Variants in ARHGAP31 observed in about 807,000 individuals in gnomAD.
ARHGAP31 encodes the protein Rho GTPase activating protein 31, also known as rho GTPase-activating protein 31.
ARHGAP31 carries 34 observed loss-of-function variants against 113.9 expected under a neutral mutation model. The observed-to-expected ratio is 0.30, with a 90% CI of 0.23 to 0.40. ARHGAP31 has a LOEUF of 0.40. Among genes scored for constraint, ARHGAP31 ranks in the 10% least tolerant of loss-of-function variants. ARHGAP31 has a pLI of 1.00. For synonymous variants in ARHGAP31, 650 were observed against 684.8 expected (o/e 0.95, Z 0.79); for missense variants, 1,548 against 1,767.1 (o/e 0.88, Z 2.22).
intron 1 of ARHGAP31, among the ~76,000 whole-genome samples, chr3:119,354,497 TG>T (rs1196044630): frequency 6.6e-6 from 1 of 151,518 alleles, no homozygotes; most frequent in Non-Finnish European, 1.5e-5. Context: ...TGTGTGTGTG[TG>T]TGTGTGTGGT....
At chr3:119,373,147 A>G (rs560927942) in intron 3 of ARHGAP31, among the ~76,000 whole-genome samples, 12 of 152,308 alleles carry the variant, frequency 7.9e-5, no homozygotes, top group African/African-American at 2.6e-4. Context: ...TTTCTTTATA[A>G]AAATATATTA....
At chr3:119,348,385 A>G (rs1035519103) in intron 1 of ARHGAP31, among the ~76,000 whole-genome samples, 3 of 152,200 alleles carry the variant, frequency 2.0e-5, no homozygotes, top group Admixed American at 6.5e-5. Flanking sequence ...CCCCGGTGCC[A>G]AAAAGGTCTG....
chr3:119,402,693 T>G (rs1010873336), intron 10 of ARHGAP31, among the ~76,000 whole-genome samples: 1 of 152,320 alleles, frequency 6.6e-6, no homozygotes, highest in African/African-American at 2.4e-5. Flanking sequence ...CAGAACAGTG[T>G]CTACATACAA....
intron 11 of ARHGAP31, among the ~76,000 whole-genome samples, chr3:119,413,448 A>G (rs930459385): frequency 2.6e-5 from 4 of 152,232 alleles, no homozygotes; most frequent in African/African-American, 9.6e-5. Context: ...ATGAACCTGA[A>G]GTTAAATGAG....
Position 119,414,614 on chromosome 3 carries a change from A to G in ARHGAP31, c.2685A>G (p.Thr895=). 6.2e-7 allele frequency: 1 copy of G among 1,614,252 alleles called. No homozygotes were observed. Among genetic ancestry groups the G allele is most frequent in the Non-Finnish European group, 8.5e-7 (1 of 1,180,038 alleles). The part of the protein sequence containing the change: ...PSDCDEDDTV[T]DIAQHGLEMV... Reference sequence around the variant, plus strand: ...ACTGTGACGAAGATGACACTGTGACAGACATTGCCCAGCATGGCCTGGAGA... The same window carrying G: ...ACTGTGACGAAGATGACACTGTGACGGACATTGCCCAGCATGGCCTGGAGA... The change falls in exon 12 of 12, where the codon ACA becomes ACG. Residue 895 remains threonine, a synonymous_variant. Transcript: ENST00000264245.
chr3:119,334,469 T>A (rs1264825633), intron 1 of ARHGAP31, among the ~76,000 whole-genome samples: 4 of 152,220 alleles, frequency 2.6e-5, no homozygotes, highest in Non-Finnish European at 5.9e-5. Flanking sequence ...AATTTCCCTG[T>A]GATTAGGGAG....
chr3:119,391,883 C>T (rs936311823), intron 7 of ARHGAP31, among the ~76,000 whole-genome samples: 3 of 152,032 alleles, frequency 2.0e-5, no homozygotes, highest in Non-Finnish European at 4.4e-5. Flanking sequence ...ATATATGGAT[C>T]GTGTTTTCTT....
chr3:119,308,339 G>A (rs935709390), intron 1 of ARHGAP31, among the ~76,000 whole-genome samples: 5 of 152,166 alleles, frequency 3.3e-5, no homozygotes, highest in Non-Finnish European at 5.9e-5. Context: ...CTACAGTTTT[G>A]TAAGTTAGAA....
At chr3:119,309,102 A>G (rs2079656111) in intron 1 of ARHGAP31, among the ~76,000 whole-genome samples, 1 of 152,204 alleles carries the variant, frequency 6.6e-6, no homozygotes, top group Non-Finnish European at 1.5e-5. Flanking sequence ...TTTGCCTCCC[A>G]AAATGCTGGG....
intron 3 of ARHGAP31, among the ~76,000 whole-genome samples, chr3:119,372,942 T>C (rs1452274395): frequency 6.6e-6 from 1 of 152,140 alleles, no homozygotes; most frequent in Non-Finnish European, 1.5e-5. Flanking sequence ...AATAACTTAA[T>C]ATGAAATAAA....
intron 3 of ARHGAP31, among the ~76,000 whole-genome samples, chr3:119,374,265 A>C (rs1449019754): frequency 6.6e-6 from 1 of 152,108 alleles, no homozygotes; most frequent in East Asian, 1.9e-4. Context: ...CGCTTAGTTC[A>C]TGTGAGATCT....
At chr3:119,318,218 T>G (rs572649305) in intron 1 of ARHGAP31, among the ~76,000 whole-genome samples, 1 of 152,280 alleles carries the variant, frequency 6.6e-6, no homozygotes, top group South Asian at 2.1e-4. Context: ...TGCAGTGAGC[T>G]ATGATTGCAC....
chr3:119,360,738 CTCT>C (rs1268516803), intron 1 of ARHGAP31, among the ~76,000 whole-genome samples: 1 of 152,114 alleles, frequency 6.6e-6, no homozygotes, highest in Non-Finnish European at 1.5e-5. Flanking sequence ...CCTCAGAAAC[CTCT>C]TCAAGTTGTA....
At chr3:119,317,065 C>G (rs1196956876) in intron 1 of ARHGAP31, among the ~76,000 whole-genome samples, 1 of 152,214 alleles carries the variant, frequency 6.6e-6, no homozygotes, top group East Asian at 1.9e-4. Context: ...TGTAAATAGC[C>G]TGCAGAACAC....
chr3:119,341,319 G>A (rs1170608441), intron 1 of ARHGAP31, among the ~76,000 whole-genome samples: 4 of 152,190 alleles, frequency 2.6e-5, no homozygotes, highest in Non-Finnish European at 4.4e-5. Context: ...GTTGTCTTAA[G>A]CTGGCGTTGC....
chr3:119,370,513 A>G (rs1358333722), intron 3 of ARHGAP31, among the ~76,000 whole-genome samples: 1 of 152,224 alleles, frequency 6.6e-6, no homozygotes, highest in Non-Finnish European at 1.5e-5. Flanking sequence ...TCCACACTCC[A>G]GGCATATTTG....
intron 1 of ARHGAP31, among the ~76,000 whole-genome samples, chr3:119,363,280 A>T (rs1028364398): frequency 3.3e-5 from 5 of 152,188 alleles, no homozygotes; most frequent in Admixed American, 3.3e-4. Context: ...TATTTGCATG[A>T]GCATGGGAAA....
chr3:119,303,825 C>T lies in ARHGAP31; in HGVS notation c.100+8821C>T, dbSNP rs894744091. 5.9e-5 allele frequency among the ~76,000 whole-genome samples: 9 copies of T among 151,614 alleles called. No homozygotes were observed. The East Asian group carries it at 1.4e-3, about 23-fold the overall frequency. ...TGTTGTTGTTGTTGAGATGGGGTCT[C>T]GCAGTGTCGCCCGGGCTGGAATACA... On this transcript the variant is annotated intron_variant, in intron 1 of 11. Transcript: ENST00000264245.
At chr3:119,298,862 G>A in intron 1 of ARHGAP31, 1 of 223,950 alleles carries the variant, frequency 4.5e-6, no homozygotes, top group South Asian at 7.2e-5. Flanking sequence ...TACTTCCGAA[G>A]TTGTATGTAA....
Sources: allele counts gnomAD v4.1 joint callset (sites outside exome capture counted in the v4.1 genomes callset), GRCh38; gene constraint gnomAD v4.1.1; transcripts MANE v1.5; gene names NCBI Gene and HGNC (gene_info 2026-07-23, HGNC 2026-07-21).